Variants in RTN3 observed in about 807,000 individuals in gnomAD.
The protein encoded by RTN3 is reticulon 3.
Under a neutral mutation model 77.8 loss-of-function variants are expected in RTN3, and 49 were observed. That is an observed-to-expected ratio of 0.63 (90% confidence interval 0.50 to 0.80). The LOEUF (loss-of-function observed/expected upper bound fraction) is 0.80. Among genes scored for constraint, RTN3 ranks in the 30% least tolerant of loss-of-function variants. The probability of loss-of-function intolerance (pLI) is 0.00; values close to 1 mark genes in which losing one functional copy is unlikely to be tolerated. For missense variants in RTN3, 1,236 were observed against 1,211.9 expected, an observed-to-expected ratio of 1.02 and a Z score of -0.29; for synonymous variants, 464 against 446.9, an observed-to-expected ratio of 1.04 and a Z score of -0.48.
chr11:63,697,558 C>T (rs1942028545), intron 1 of RTN3, among the ~76,000 whole-genome samples: 1 of 152,050 alleles, frequency 6.6e-6, no homozygotes, highest in African/African-American at 2.4e-5. Context: ...TCACTGCAAC[C>T]TCTGCCTCCT....
intron 3 of RTN3, among the ~76,000 whole-genome samples, chr11:63,736,184 T>A (rs961407477): frequency 2.2e-4 from 33 of 152,232 alleles, no homozygotes; most frequent in African/African-American, 7.2e-4. Context: ...ATACCCACTT[T>A]CTTTCTCCCT....
At chr11:63,722,805 G>A (rs1448785438) in intron 3 of RTN3, among the ~76,000 whole-genome samples, 1 of 152,170 alleles carries the variant, frequency 6.6e-6, no homozygotes, top group African/African-American at 2.4e-5. Flanking sequence ...AAGTGAGGAT[G>A]TAAAGTGAAG....
chr11:63,751,453 A>T (rs947338579), intron 4 of RTN3, among the ~76,000 whole-genome samples: 3 of 152,102 alleles, frequency 2.0e-5, no homozygotes, highest in Admixed American at 1.3e-4. Flanking sequence ...AGCTTTTTTG[A>T]TTGTGCTGTA....
chr11:63,742,754 A>G (rs1198992266), intron 3 of RTN3, among the ~76,000 whole-genome samples: 1 of 152,182 alleles, frequency 6.6e-6, no homozygotes, highest in Admixed American at 6.5e-5. Context: ...GAAAACAGAT[A>G]GCTCTCCATT....
chr11:63,696,430 A>G (rs1043887904), intron 1 of RTN3, among the ~76,000 whole-genome samples: 1 of 149,558 alleles, frequency 6.7e-6, no homozygotes, highest in Non-Finnish European at 1.5e-5. Flanking sequence ...TGATGAAGCC[A>G]GGTGCGGTGG....
At chr11:63,721,940 T>C (rs1220538212) in intron 3 of RTN3, among the ~76,000 whole-genome samples, 2 of 152,212 alleles carry the variant, frequency 1.3e-5, no homozygotes, top group East Asian at 3.8e-4. Flanking sequence ...TGCATTCTTC[T>C]ACTTTCTATC....
rs752314360 is a variant in RTN3, at chr11:63,681,624, C to A, written c.-13C>A. 6.3e-7 allele frequency: 1 copy of A among 1,580,450 alleles called. No homozygotes were observed. The highest frequency in any genetic ancestry group is 2.3e-5 in the East Asian group (1 of 43,522). On this transcript the variant is annotated 5_prime_UTR_variant, in exon 1 of 9. Transcript: ENST00000377819. The stretch of plus-strand genomic sequence containing the variant: ...TCTCTTTTCACCCTTCTCCCACCCT[C>A]GCTCGCGTAGCCATGGCGGAGCCGT...
At chr11:63,687,933 G>A (rs966961577) in intron 1 of RTN3, among the ~76,000 whole-genome samples, 2 of 151,980 alleles carry the variant, frequency 1.3e-5, no homozygotes, top group African/African-American at 4.8e-5. Flanking sequence ...GTTTCAGTTT[G>A]TGGCCCTTCA....
At position 63,753,072 on chromosome 11, in the gene RTN3, G is replaced by A; in HGVS notation, c.2881G>A (p.Ala961Thr). The A allele has an allele frequency of 1.2e-6, 2 of 1,613,732 alleles. No individual in the cohort carries two copies. The highest frequency in any genetic ancestry group is 1.1e-5 in the South Asian group (1 of 91,036). ...ACTTTTGATATGGCCTTCACAGCTG[G>A]CTGTCTTCATGTGGCTGATGACCTA... ...VEDLVDSLKL[A>T]VFMWLMTYVG... The change falls in exon 6 of 9, where the codon GCT (alanine) becomes ACT (threonine). Residue 961 changes from alanine to threonine, a missense_variant. Around this residue, in one of 3 missense-constraint regions of RTN3, gnomAD observed 141 missense variants for 154.9 expected, o/e 0.91. Coordinates refer to ENST00000377819, the MANE Select transcript of RTN3 (RefSeq NM_001265589.2).
intron 2 of RTN3, among the ~76,000 whole-genome samples, chr11:63,713,129 A>G (rs1471634299): frequency 1.3e-5 from 2 of 152,140 alleles, no homozygotes; most frequent in African/African-American, 4.8e-5. Flanking sequence ...ATTTGGGTCT[A>G]AAAATTTAGA....
At chr11:63,740,161 C>G (rs964879043) in intron 3 of RTN3, among the ~76,000 whole-genome samples, 4 of 152,218 alleles carry the variant, frequency 2.6e-5, no homozygotes, top group African/African-American at 9.6e-5. Context: ...ATATCATTTA[C>G]ACACCAATCT....
In RTN3 at chr11:63,717,438, C is replaced by T. The variant is rs185289367; in HGVS notation, c.200-1264C>T. Among the ~76,000 whole-genome samples, 486 of 120,540 alleles carry T rather than the reference C, an allele frequency of 4.0e-3. 3 individuals carry two copies. Among genetic ancestry groups the T allele is most frequent in the African/African-American group, 0.014 (422 of 30,452 alleles). The allele number at this position is 120,540 out of a possible 152,430, so 79.1% of individuals were successfully genotyped here. A position where few individuals can be genotyped will look rare whatever the true frequency, so the allele number is the denominator to read the frequency against. Reference sequence around the variant, plus strand: ...CACTCTTGTTGCCCAGGCTGGGGTGCGATGGCGTGACCTCAGCTCACTGCC... The same window carrying T: ...CACTCTTGTTGCCCAGGCTGGGGTGTGATGGCGTGACCTCAGCTCACTGCC... On this transcript the variant is annotated intron_variant, in intron 2 of 8. Coordinates refer to ENST00000377819, the MANE Select transcript of RTN3 (RefSeq NM_001265589.2).
intron 1 of RTN3, among the ~76,000 whole-genome samples, chr11:63,704,635 G>A (rs1169671404): frequency 6.6e-6 from 1 of 151,612 alleles, no homozygotes; most frequent in African/African-American, 2.4e-5. Context: ...AAAAAAAAAT[G>A]AATGGATTAA....
At chr11:63,702,439 GGA>G (rs1942286658) in intron 1 of RTN3, among the ~76,000 whole-genome samples, 1 of 147,870 alleles carries the variant, frequency 6.8e-6, no homozygotes, top group African/African-American at 2.5e-5. Flanking sequence ...CTCAGCCTTC[GGA>G]GTAGCTGGGA....
chr11:63,739,488 T>C (rs1382453788), intron 3 of RTN3, among the ~76,000 whole-genome samples: 2 of 152,188 alleles, frequency 1.3e-5, no homozygotes, highest in Non-Finnish European at 2.9e-5. Context: ...GCCTCACAAT[T>C]CTCTTCTGTT....
At chr11:63,704,394 A>C (rs1292124568) in intron 1 of RTN3, among the ~76,000 whole-genome samples, 1 of 152,172 alleles carries the variant, frequency 6.6e-6, no homozygotes, top group Non-Finnish European at 1.5e-5. Context: ...TTTAGGGTCA[A>C]CTTTGCATAT....
At chr11:63,717,740 G>T (rs927712381) in intron 2 of RTN3, among the ~76,000 whole-genome samples, 10 of 151,670 alleles carry the variant, frequency 6.6e-5, no homozygotes, top group Admixed American at 2.6e-4. Context: ...GGGGCCAGGC[G>T]TAGCGGCTCA....
At chr11:63,694,178 G>GA (rs1941809514) in intron 1 of RTN3, among the ~76,000 whole-genome samples, 2 of 151,358 alleles carry the variant, frequency 1.3e-5, no homozygotes, top group African/African-American at 4.9e-5. Context: ...AATTAATTAT[G>GA]GTTTTTTTTT....
At chr11:63,747,313 G>T (rs1359924203) in intron 3 of RTN3, among the ~76,000 whole-genome samples, 1 of 152,134 alleles carries the variant, frequency 6.6e-6, no homozygotes, top group Non-Finnish European at 1.5e-5. Context: ...ACATGTATAT[G>T]CTTGAACTCT....
Sources: gnomAD v4.1 joint callset for allele counts (sites outside exome capture counted in the v4.1 genomes callset) on GRCh38, gnomAD v4.1.1 for gene constraint, gnomAD v4.1.1 regional missense constraint, MANE v1.5 for transcripts, NCBI Gene and HGNC (gene_info 2026-07-23, HGNC 2026-07-21) for gene names.